The following THSD7A variants were observed in gnomAD, a reference collection of about 807,000 sequenced individuals.
THSD7A encodes thrombospondin type-1 domain-containing protein 7A.
THSD7A carries 96 observed loss-of-function variants against 231.3 expected under a neutral mutation model. The observed-to-expected ratio is 0.41, with a 90% CI of 0.35 to 0.49. The LOEUF is 0.49. Ranked by LOEUF, THSD7A falls within the 20% of genes least tolerant of loss-of-function variation. THSD7A has a pLI of 0.05. For missense variants in THSD7A, 2,290 were observed against 2,070.2 expected, an observed-to-expected ratio of 1.11 and a Z score of -2.06; for synonymous variants, 940 against 743.3, an observed-to-expected ratio of 1.26 and a Z score of -4.30.
chr7:11,655,062 C>A (rs567237894), intron 1 of THSD7A, among the ~76,000 whole-genome samples: 2 of 151,866 alleles, frequency 1.3e-5, no homozygotes, highest in South Asian at 4.2e-4. Context: ...ATTATCTAAG[C>A]CAGGGTCAGA....
intron 2 of THSD7A, among the ~76,000 whole-genome samples, chr7:11,625,970 C>A (rs537808375): frequency 6.6e-6 from 1 of 152,056 alleles, no homozygotes; most frequent in Non-Finnish European, 1.5e-5. Flanking sequence ...ATGTCTCAAG[C>A]AAGAGAGCTA....
chr7:11,727,100 T>C (rs1345653663), intron 1 of THSD7A, among the ~76,000 whole-genome samples: 4 of 152,024 alleles, frequency 2.6e-5, no homozygotes, highest in Admixed American at 6.6e-5. Flanking sequence ...TTTTACATTA[T>C]AAGTATTGTC....
intron 6 of THSD7A, among the ~76,000 whole-genome samples, chr7:11,485,250 T>C (rs1937098738): frequency 1.3e-5 from 2 of 152,138 alleles, no homozygotes; most frequent in Admixed American, 1.3e-4. Context: ...TAAGAAACAA[T>C]GCTCTAGAAT....
intron 4 of THSD7A, among the ~76,000 whole-genome samples, chr7:11,577,498 G>C (rs1191932768): frequency 2.0e-5 from 3 of 151,778 alleles, no homozygotes; most frequent in African/African-American, 7.3e-5. Flanking sequence ...TGTATTTTTA[G>C]TAGAGATGGA....
rs1318431185 is a variant in THSD7A at position 11,429,752 on chromosome 7, AT to A, written c.3065-628del. On this transcript the variant is annotated intron_variant, in intron 13 of 27. Coordinates refer to ENST00000423059, the MANE Select transcript of THSD7A (RefSeq NM_015204.3). ...AATCTTATGTATGAATTGTGCAAGT[AT>A]TGACATTCTAACAGGCAGGTAAGAA... Among the ~76,000 whole-genome samples the A allele has an allele frequency of 2.0e-5, 3 of 152,336 alleles. No individual in the cohort carries two copies. The East Asian group carries it at 5.8e-4, about 29-fold the overall frequency.
intron 1 of THSD7A, among the ~76,000 whole-genome samples, chr7:11,776,018 T>A (rs898529189): frequency 2.0e-5 from 3 of 152,208 alleles, no homozygotes; most frequent in African/African-American, 7.2e-5. Context: ...TGAGATTTGA[T>A]ATTCTTTTAA....
chr7:11,754,906 T>C (rs1389230500), intron 1 of THSD7A, among the ~76,000 whole-genome samples: 1 of 152,040 alleles, frequency 6.6e-6, no homozygotes, highest in Non-Finnish European at 1.5e-5. Context: ...ACAAATTATA[T>C]ACATGATCAG....
chr7:11,585,832 T>C (rs1779873383), intron 4 of THSD7A, among the ~76,000 whole-genome samples: 1 of 152,006 alleles, frequency 6.6e-6, no homozygotes, highest in Non-Finnish European at 1.5e-5. Context: ...GATGTGAACA[T>C]CTCTGAGGCA....
chr7:11,670,232 C>T (rs1240780349), intron 1 of THSD7A, among the ~76,000 whole-genome samples: 2 of 152,090 alleles, frequency 1.3e-5, no homozygotes, highest in Non-Finnish European at 2.9e-5. Context: ...TAGTTTTACA[C>T]CAGATTCTGG....
intron 1 of THSD7A, among the ~76,000 whole-genome samples, chr7:11,644,146 T>A (rs1782195534): frequency 6.6e-6 from 1 of 151,974 alleles, no homozygotes; most frequent in Non-Finnish European, 1.5e-5. Context: ...ACAATATCCT[T>A]CCCTGTTTTT....
chr7:11,764,303 C>T (rs1583270401), intron 1 of THSD7A, among the ~76,000 whole-genome samples: 1 of 151,944 alleles, frequency 6.6e-6, no homozygotes, highest in African/African-American at 2.4e-5. Context: ...AAGTAAAGAC[C>T]GGGCATGGTG....
At chr7:11,574,397 G>A (rs1459570445) in intron 4 of THSD7A, among the ~76,000 whole-genome samples, 1 of 151,094 alleles carries the variant, frequency 6.6e-6, no homozygotes, top group Non-Finnish European at 1.5e-5. Context: ...ATGAATAAAT[G>A]TATGGATACC....
At chr7:11,398,271 C>T (rs1783266603) in intron 23 of THSD7A, among the ~76,000 whole-genome samples, 1 of 152,042 alleles carries the variant, frequency 6.6e-6, no homozygotes, top group Non-Finnish European at 1.5e-5. Flanking sequence ...TCATTCTCAG[C>T]AAACTAACAC....
chr7:11,786,739 T>C (rs1022067849), intron 1 of THSD7A, among the ~76,000 whole-genome samples: 4 of 137,738 alleles, frequency 2.9e-5, no homozygotes, highest in African/African-American at 1.1e-4. Context: ...ACATGTACCC[T>C]AAAACTTAGA....
chr7:11,706,773 G>C (rs1391840302), intron 1 of THSD7A, among the ~76,000 whole-genome samples: 3 of 149,714 alleles, frequency 2.0e-5, no homozygotes, highest in Admixed American at 1.3e-4. Flanking sequence ...CAAAGGTTAA[G>C]CCCATGCTTA....
At chr7:11,461,001 G>T (rs1785486871) in intron 10 of THSD7A, among the ~76,000 whole-genome samples, 1 of 152,136 alleles carries the variant, frequency 6.6e-6, no homozygotes, top group Non-Finnish European at 1.5e-5. Context: ...AGTTCTATAG[G>T]ACTCTACAGA....
intron 22 of THSD7A, among the ~76,000 whole-genome samples, chr7:11,404,332 G>T (rs1159691854): frequency 6.6e-6 from 1 of 152,182 alleles, no homozygotes; most frequent in African/African-American, 2.4e-5. Context: ...ATGAAATCAT[G>T]TGAGGAGTGT....
chr7:11,706,234 G>A (rs1480720205), intron 1 of THSD7A, among the ~76,000 whole-genome samples: 1 of 150,858 alleles, frequency 6.6e-6, no homozygotes, highest in Admixed American at 6.6e-5. Context: ...TATTGATACA[G>A]CTAGAGCACA....
At chr7:11,603,862 A>G (rs941023926) in intron 2 of THSD7A, among the ~76,000 whole-genome samples, 9 of 118,392 alleles carry the variant, frequency 7.6e-5, no homozygotes, top group African/African-American at 2.9e-4. Flanking sequence ...GGAATATCAC[A>G]CTCTGGGGAC....
Sources: allele counts gnomAD v4.1 joint callset (sites outside exome capture counted in the v4.1 genomes callset), GRCh38; gene constraint gnomAD v4.1.1; transcripts MANE v1.5; gene names NCBI Gene and HGNC (gene_info 2026-07-23, HGNC 2026-07-21).